Variants in CDKN2B-AS1 observed in about 807,000 individuals in gnomAD.
The protein encoded by CDKN2B-AS1 is CDKN2B antisense RNA 1 (non-protein coding).
chr9:22,003,554 A>G (rs751758721), intron 1 of CDKN2B-AS1: 115 of 229,296 alleles, frequency 5.0e-4, no homozygotes, highest in Non-Finnish European at 7.8e-4. Context: ...ATTTTAAAGT[A>G]TCAACTGACT....
At chr9:22,024,999 A>G (rs1028798571) in intron 1 of CDKN2B-AS1, among the ~76,000 whole-genome samples, 2 of 152,152 alleles carry the variant, frequency 1.3e-5, no homozygotes, top group Admixed American at 6.5e-5. Context: ...AAGTCTGAAA[A>G]TTCCCCTAGG....
chr9:22,099,266 C>T (rs893921408), intron 4 of CDKN2B-AS1, among the ~76,000 whole-genome samples: 3 of 151,916 alleles, frequency 2.0e-5, no homozygotes, highest in Admixed American at 6.6e-5. Flanking sequence ...GAAAGGAGGC[C>T]GGAAATGGGA....
chr9:22,015,772 T>A (rs1450883404), intron 1 of CDKN2B-AS1, among the ~76,000 whole-genome samples: 1 of 152,226 alleles, frequency 6.6e-6, no homozygotes, highest in Non-Finnish European at 1.5e-5. Flanking sequence ...TCCTGACTGT[T>A]TAATGATTGC....
intron 1 of CDKN2B-AS1, chr9:22,012,352 C>T (rs1056305914): frequency 8.5e-5 from 102 of 1,204,362 alleles, no homozygotes; most frequent in Non-Finnish European, 1.2e-4. Context: ...AACAGCCCAC[C>T]CCGCACCTGG....
At chr9:22,063,326 T>C (rs535356230) in intron 4 of CDKN2B-AS1, among the ~76,000 whole-genome samples, 3 of 152,294 alleles carry the variant, frequency 2.0e-5, no homozygotes, top group African/African-American at 7.2e-5. Flanking sequence ...ATTTTACTCT[T>C]ACCTCTTGAG....
intron 4 of CDKN2B-AS1, among the ~76,000 whole-genome samples, chr9:22,109,388 G>C (rs10217426): frequency 0.14 from 21,031 of 152,138 alleles, 4,757 homozygotes; most frequent in African/African-American, 0.47. Context: ...GGAATAAATC[G>C]CTGTCTCCCC....
intron 4 of CDKN2B-AS1, among the ~76,000 whole-genome samples, chr9:22,062,942 A>G (rs1024985384): frequency 2.7e-4 from 41 of 150,588 alleles, no homozygotes; most frequent in African/African-American, 1.0e-3. Flanking sequence ...TTGAGGAGAT[A>G]AGAAAAGTGA....
chr9:22,118,113 G>T (rs576249105), intron 4 of CDKN2B-AS1: 1 of 152,298 alleles, frequency 6.6e-6, no homozygotes, highest in African/African-American at 2.4e-5. Context: ...TAACAAAGGA[G>T]AGAGTTGCCC....
chr9:22,070,897 G>T (rs562836176), intron 4 of CDKN2B-AS1, among the ~76,000 whole-genome samples: 2 of 152,272 alleles, frequency 1.3e-5, no homozygotes, highest in East Asian at 3.9e-4. Flanking sequence ...GCCTGACCCA[G>T]AGGATTTGAA....
intron 1 of CDKN2B-AS1, among the ~76,000 whole-genome samples, chr9:22,022,827 A>C (rs1822069655): frequency 6.6e-6 from 1 of 152,210 alleles, no homozygotes; most frequent in South Asian, 2.1e-4. Flanking sequence ...TCTGGTGGTA[A>C]CTAATTCCTT....
chr9:22,109,040 C>T (rs368434543), intron 4 of CDKN2B-AS1, among the ~76,000 whole-genome samples: 3 of 152,050 alleles, frequency 2.0e-5, no homozygotes, highest in African/African-American at 7.2e-5. Context: ...TTATTTTTTT[C>T]CCCAGAAGAA....
chr9:22,091,699 C>T (rs1825092821), intron 4 of CDKN2B-AS1, among the ~76,000 whole-genome samples: 1 of 152,152 alleles, frequency 6.6e-6, no homozygotes, highest in South Asian at 2.1e-4. Context: ...GCTGAAGTTG[C>T]TTATCAGCTT....
intron 1 of CDKN2B-AS1, among the ~76,000 whole-genome samples, chr9:22,016,645 A>C (rs955514243): frequency 2.6e-5 from 4 of 152,162 alleles, no homozygotes; most frequent in African/African-American, 9.7e-5. Flanking sequence ...ATAACACCGC[A>C]TATCTACAAC....
At chr9:22,102,402 T>A (rs1309708122) in intron 4 of CDKN2B-AS1, among the ~76,000 whole-genome samples, 1 of 152,202 alleles carries the variant, frequency 6.6e-6, no homozygotes, top group Non-Finnish European at 1.5e-5. Flanking sequence ...GATGGCTTTA[T>A]AACAACAGAA....
At position 22,086,768 on chromosome 9, in the gene CDKN2B-AS1, T is replaced by A. The variant is rs75221032; in HGVS notation, n.438+30381T>A. ...TTATTTATCTATCCATTTATTTATT[T>A]TGAGATCTTATTTTATCTGGAATCT... On this transcript the variant is annotated intron_variant and non_coding_transcript_variant, in intron 4 of 4. Transcript: ENST00000650946. Among the ~76,000 whole-genome samples the A allele has an allele frequency of 8.6e-3, 1,315 of 152,370 alleles. 101 individuals carry two copies. In the East Asian group the frequency reaches 0.18, roughly 20 times the overall value.
chr9:22,024,401 G>A (rs571012799), intron 1 of CDKN2B-AS1, among the ~76,000 whole-genome samples: 6 of 152,314 alleles, frequency 3.9e-5, no homozygotes, highest in South Asian at 4.1e-4. Context: ...TGCTAGTGAA[G>A]GCAAGGCATT....
At chr9:22,103,802 C>G (rs1202836766) in intron 4 of CDKN2B-AS1, among the ~76,000 whole-genome samples, 1 of 152,016 alleles carries the variant, frequency 6.6e-6, no homozygotes, top group Non-Finnish European at 1.5e-5. Context: ...AGGGGACATA[C>G]CAAACACTAA....
At chr9:22,103,023 A>C (rs916756912) in intron 4 of CDKN2B-AS1, among the ~76,000 whole-genome samples, 3 of 152,172 alleles carry the variant, frequency 2.0e-5, no homozygotes, top group Admixed American at 6.5e-5. Flanking sequence ...GAGGCAGGTC[A>C]AATAACCAGG....
intron 4 of CDKN2B-AS1, among the ~76,000 whole-genome samples, chr9:22,122,347 T>A (rs962635183): frequency 6.6e-6 from 1 of 152,210 alleles, no homozygotes; most frequent in African/African-American, 2.4e-5. Flanking sequence ...TTCTGTAGTT[T>A]GTATATTCAC....
Sources: allele counts gnomAD v4.1 joint callset (sites outside exome capture counted in the v4.1 genomes callset), GRCh38; gene constraint gnomAD v4.1.1; transcripts MANE v1.5; gene names NCBI Gene and HGNC (gene_info 2026-07-23, HGNC 2026-07-21).